Variants in RBM46 observed in about 807,000 individuals in gnomAD.
The protein encoded by RBM46 is probable RNA-binding protein 46.
A neutral mutation model predicts 43.3 loss-of-function variants in RBM46; 12 were observed. The ratio of observed to expected loss-of-function variants is 0.28; its 90% CI spans 0.18 to 0.45. The LOEUF is 0.45. RBM46 is among the 20% of genes least tolerant of loss of function. The pLI is 1.00. For synonymous variants in RBM46, 205 were observed against 207.6 expected, an observed-to-expected ratio of 0.99 and a Z score of 0.11; for missense variants, 412 against 639.1, an observed-to-expected ratio of 0.64 and a Z score of 3.83.
intron 4 of RBM46, chr4:154,826,617 T>G (rs545920468): frequency 1.8e-6 from 1 of 564,316 alleles, no homozygotes; most frequent in African/African-American, 1.9e-5. Context: ...TATTTATGTC[T>G]TCCTGGAACA....
intron 1 of RBM46, among the ~76,000 whole-genome samples, chr4:154,794,700 G>T (rs1734266154): frequency 6.6e-6 from 1 of 152,112 alleles, no homozygotes; most frequent in South Asian, 2.1e-4. Flanking sequence ...ATTTGTATGG[G>T]ATGTTCTTCC....
rs192425674 is a variant in RBM46, at chr4:154,828,150, A to G, written c.*83A>G. On this transcript the variant is annotated 3_prime_UTR_variant, in exon 5 of 5. Coordinates refer to ENST00000281722, the MANE Select transcript of RBM46 (RefSeq NM_144979.5). ...AATTAAAATATTGTTTTATTTTAGA[A>G]TCGGGTTTGCATATTTGGTTTTAAA... 2.4e-5 allele frequency: 26 copies of G among 1,089,312 alleles called. No individual in the cohort carries two copies. The African/African-American group carries it at 4.1e-4, about 17-fold the overall frequency. 67.5% of individuals were successfully genotyped at this position (1,089,312 alleles called of 1,614,324 possible).
intron 2 of RBM46, 136 bp downstream of exon 2, chr4:154,797,039 G>T: frequency 1.6e-6 from 1 of 613,420 alleles, no homozygotes; most frequent in Non-Finnish European, 2.7e-6. Flanking sequence ...TTACTGTTGA[G>T]GAGAGTTAAA....
At chr4:154,800,366 A>G (rs1734574924) in intron 4 of RBM46, among the ~76,000 whole-genome samples, 1 of 152,154 alleles carries the variant, frequency 6.6e-6, no homozygotes, top group Non-Finnish European at 1.5e-5. Context: ...CAATCTGGAA[A>G]TTTGTCATTA....
intron 4 of RBM46, among the ~76,000 whole-genome samples, chr4:154,810,916 C>A (rs192058459): frequency 6.6e-6 from 1 of 152,070 alleles, no homozygotes; most frequent in Non-Finnish European, 1.5e-5. Flanking sequence ...CTATTCATTC[C>A]TTTAGGCTTC....
intron 1 of RBM46, among the ~76,000 whole-genome samples, chr4:154,784,594 A>G (rs1008800392): frequency 2.0e-5 from 3 of 152,146 alleles, no homozygotes; most frequent in Non-Finnish European, 4.4e-5. Flanking sequence ...TTGAAAGTCT[A>G]CAGTTTAGGG....
chr4:154,815,117 C>T (rs1735367985), intron 4 of RBM46, among the ~76,000 whole-genome samples: 1 of 151,956 alleles, frequency 6.6e-6, no homozygotes, highest in Admixed American at 6.6e-5. Context: ...CTTCTTTTAA[C>T]ATTATGTTTG....
At chr4:154,809,222 A>G (rs898218331) in intron 4 of RBM46, among the ~76,000 whole-genome samples, 2 of 151,682 alleles carry the variant, frequency 1.3e-5, no homozygotes, top group South Asian at 4.1e-4. Context: ...ATTGTGATTT[A>G]TGCTCCAGGC....
intron 4 of RBM46, among the ~76,000 whole-genome samples, chr4:154,808,538 T>C (rs1490817175): frequency 6.6e-6 from 1 of 152,070 alleles, no homozygotes; most frequent in Non-Finnish European, 1.5e-5. Context: ...TCCACAAAAT[T>C]TGCAGCATAT....
intron 4 of RBM46, among the ~76,000 whole-genome samples, chr4:154,803,651 C>A (rs1163022902): frequency 7.6e-6 from 1 of 132,184 alleles, no homozygotes; most frequent in Non-Finnish European, 1.5e-5. Context: ...TGCAGTGAGC[C>A]GACATCAAGC....
intron 4 of RBM46, 34 bp from the exon 5 acceptor site, chr4:154,827,834 T>A: frequency 2.5e-6 from 4 of 1,610,338 alleles, no homozygotes; most frequent in Non-Finnish European, 3.4e-6. Context: ...TCCATAAAGA[T>A]GTACAGCATA....
intron 1 of RBM46, among the ~76,000 whole-genome samples, chr4:154,785,161 T>A (rs1733697405): frequency 6.6e-6 from 1 of 152,134 alleles, no homozygotes; most frequent in African/African-American, 2.4e-5. Flanking sequence ...TTTCAAGCTT[T>A]CATAATATTT....
chr4:154,790,831 A>G lies in RBM46; in HGVS notation c.-11-5911A>G, dbSNP rs113730252. Among the ~76,000 whole-genome samples, 744 of 152,318 alleles carry G rather than the reference A, an allele frequency of 4.9e-3. 6 individuals are homozygous for G. Among genetic ancestry groups the G allele is most frequent in the Non-Finnish European group, 8.3e-3 (567 of 68,030 alleles). On this transcript the variant is annotated intron_variant, in intron 1 of 4. Transcript: ENST00000281722. ...AGTAAAAGATCAGACGGGAGGTAGG[A>G]AGAACTGGCAGGTTGAATCTAATAA...
chr4:154,821,955 C>A (rs542396809), intron 4 of RBM46, among the ~76,000 whole-genome samples: 27 of 151,668 alleles, frequency 1.8e-4, no homozygotes, highest in Non-Finnish European at 3.4e-4. Flanking sequence ...CTAAATTTTT[C>A]TTGAGATTAT....
Position 154,806,247 on chromosome 4 carries a change from G to T in RBM46, c.1402+6683G>T, listed in dbSNP as rs1734901058. Among the ~76,000 whole-genome samples the T allele has an allele frequency of 2.0e-5, 3 of 151,672 alleles. No individual in the cohort carries two copies. The South Asian group carries it at 6.2e-4, about 31-fold the overall frequency. ...ATGCACCATATATATTATGGAGTTA[G>T]TACAGTGAGAGAAGCAGCTTAATAG... is the stretch of plus-strand genomic sequence containing the variant. On this transcript the variant is annotated intron_variant, in intron 4 of 4. Coordinates refer to ENST00000281722, the MANE Select transcript of RBM46 (RefSeq NM_144979.5).
intron 4 of RBM46, among the ~76,000 whole-genome samples, chr4:154,805,181 A>G (rs981817513): frequency 1.3e-5 from 2 of 152,162 alleles, no homozygotes; most frequent in African/African-American, 4.8e-5. Flanking sequence ...AGGAGTTGAA[A>G]AGATGTAAAC....
At chr4:154,798,495 C>T (rs1734457057) in intron 3 of RBM46, among the ~76,000 whole-genome samples, 1 of 152,088 alleles carries the variant, frequency 6.6e-6, no homozygotes, top group South Asian at 2.1e-4. Context: ...GATATATACA[C>T]TTTGAGCTGT....
intron 4 of RBM46, chr4:154,826,738 C>CTTTTTTTTT: frequency 1.0e-6 from 1 of 998,980 alleles, no homozygotes. Flanking sequence ...TTTCATTTTT[C>CTTTTTTTTT]CTTTTTTTTT....
At chr4:154,804,032 T>C (rs1734782474) in intron 4 of RBM46, among the ~76,000 whole-genome samples, 1 of 152,220 alleles carries the variant, frequency 6.6e-6, no homozygotes, top group Admixed American at 6.5e-5. Context: ...GTCTTGCTCC[T>C]GCTCTTGCCA....
Sources: gnomAD v4.1 joint callset for allele counts (sites outside exome capture counted in the v4.1 genomes callset) on GRCh38, gnomAD v4.1.1 for gene constraint, MANE v1.5 for transcripts, NCBI Gene and HGNC (gene_info 2026-07-23, HGNC 2026-07-21) for gene names.